Variants in DOCK1 observed in about 807,000 individuals in gnomAD.
DOCK1 encodes dedicator of cytokinesis protein 1.
In DOCK1, 138 loss-of-function variants were observed where a neutral mutation model predicts 262.7. The observed-to-expected ratio is 0.53, with a 90% CI of 0.46 to 0.61. The LOEUF (loss-of-function observed/expected upper bound fraction) is 0.61, where lower values mean the gene tolerates loss of function less well. Among genes scored for constraint, DOCK1 ranks in the 20% least tolerant of loss-of-function variants. DOCK1 has a pLI of 0.00. For synonymous variants in DOCK1, 866 were observed against 867.4 expected (o/e 1.00, Z 0.03); for missense variants, 1,908 against 2,370.7 (o/e 0.80, Z 4.05).
chr10:127,287,350 C>G (rs1020171124), intron 29 of DOCK1, among the ~76,000 whole-genome samples: 1 of 151,946 alleles, frequency 6.6e-6, no homozygotes, highest in African/African-American at 2.4e-5. Context: ...CCACCATGCC[C>G]AGCTAATTTT....
At chr10:127,082,255 A>T (rs574730018) in intron 23 of DOCK1, among the ~76,000 whole-genome samples, 3 of 152,268 alleles carry the variant, frequency 2.0e-5, no homozygotes, top group African/African-American at 7.2e-5. Flanking sequence ...AGCCATACTC[A>T]GTCTGTCCAG....
At chr10:127,125,727 CG>C (rs2049911237) in intron 26 of DOCK1, 126 bp downstream of exon 26, 2 of 1,321,258 alleles carry the variant, frequency 1.5e-6, no homozygotes, top group Non-Finnish European at 9.9e-7. Context: ...CTTTTTGTCT[CG>C]GTAGAGTTGC....
chr10:127,018,482 G>C, intron 12 of DOCK1: 1 of 581,516 alleles, frequency 1.7e-6, no homozygotes, highest in East Asian at 3.1e-5. Context: ...GCGTTCAGCT[G>C]TCTGTGAGTC....
chr10:126,911,069 G>T (rs1389793059), intron 1 of DOCK1, among the ~76,000 whole-genome samples: 1 of 152,216 alleles, frequency 6.6e-6, no homozygotes, highest in Non-Finnish European at 1.5e-5. Context: ...GCCCAGGAGT[G>T]CAGAGGCTGA....
At chr10:127,349,176 C>G (rs2063771839) in intron 31 of DOCK1, among the ~76,000 whole-genome samples, 1 of 151,966 alleles carries the variant, frequency 6.6e-6, no homozygotes, top group Non-Finnish European at 1.5e-5. Flanking sequence ...TCCTTTAGGT[C>G]CATCTCAGCC....
rs143443722 is a variant in DOCK1 at position 127,194,679 on chromosome 10, A to G, written c.2848-53329A>G. On this transcript the variant is annotated intron_variant, in intron 27 of 51. Coordinates refer to ENST00000623213, the MANE Select transcript of DOCK1 (RefSeq NM_001290223.2). ...TCACTCTGACAGTCCCCCCACTGAG[A>G]TAAGGCATGGAAAGGTAACCCTCTA... 3.2e-4 allele frequency among the ~76,000 whole-genome samples: 49 copies of G among 152,246 alleles called. 1 individual carries two copies. Among genetic ancestry groups the G allele is most frequent in the African/African-American group, 1.0e-3 (42 of 41,558 alleles).
chr10:126,991,890 T>C (rs2039816092), intron 6 of DOCK1, among the ~76,000 whole-genome samples: 2 of 152,196 alleles, frequency 1.3e-5, no homozygotes, highest in South Asian at 2.1e-4. Flanking sequence ...GGAAAACTTC[T>C]GGTTTAATTC....
intron 6 of DOCK1, among the ~76,000 whole-genome samples, chr10:126,993,148 C>T (rs1485413535): frequency 6.6e-6 from 1 of 152,238 alleles, no homozygotes; most frequent in Non-Finnish European, 1.5e-5. Context: ...TGACGGTCTG[C>T]CCTGGCAGGT....
chr10:127,024,326 G>GGGGA (rs1024482700), intron 14 of DOCK1, among the ~76,000 whole-genome samples: 3 of 152,202 alleles, frequency 2.0e-5, no homozygotes, highest in Non-Finnish European at 2.9e-5. Flanking sequence ...AGGAAGGGGA[G>GGGGA]GGGAGGGTTC....
intron 25 of DOCK1, among the ~76,000 whole-genome samples, chr10:127,110,984 G>A (rs2048830452): frequency 6.6e-6 from 1 of 152,138 alleles, no homozygotes; most frequent in African/African-American, 2.4e-5. Flanking sequence ...ATTTATTGGA[G>A]GCAAATGTGA....
intron 27 of DOCK1, 134 bp downstream of exon 27, chr10:127,127,898 C>G (rs186308204): frequency 1.6e-4 from 94 of 605,688 alleles, no homozygotes; most frequent in Non-Finnish European, 2.2e-4. Flanking sequence ...ATAAAATGTC[C>G]TCATTTTCCA....
chr10:127,256,838 A>G (rs1171508869), intron 28 of DOCK1, among the ~76,000 whole-genome samples: 2 of 152,202 alleles, frequency 1.3e-5, no homozygotes, highest in African/African-American at 2.4e-5. Context: ...GGTTTATTGC[A>G]TGCCAAATCT....
At chr10:127,416,569 A>C (rs2134446624) in intron 44 of DOCK1, among the ~76,000 whole-genome samples, 1 of 152,334 alleles carries the variant, frequency 6.6e-6, no homozygotes, top group African/African-American at 2.4e-5. Context: ...GAGGGCAGGA[A>C]GGCAAATAAT....
chr10:127,415,416 A>C (rs2068098601), intron 44 of DOCK1, among the ~76,000 whole-genome samples, 178 bp downstream of exon 44: 1 of 152,200 alleles, frequency 6.6e-6, no homozygotes, highest in Non-Finnish European at 1.5e-5. Context: ...TCGCCTAGCC[A>C]TATTTTAGTG....
intron 33 of DOCK1, among the ~76,000 whole-genome samples, chr10:127,368,738 C>A (rs905910235): frequency 2.0e-5 from 3 of 152,230 alleles, no homozygotes; most frequent in Non-Finnish European, 2.9e-5. Context: ...CACCAAGAAC[C>A]CTGCCCTCCC....
intron 40 of DOCK1, 37 bp downstream of exon 40, chr10:127,404,466 T>G (rs757642225): frequency 1.3e-6 from 2 of 1,581,950 alleles, no homozygotes; most frequent in Non-Finnish European, 1.7e-6. Context: ...GCCATGATTG[T>G]TCCCCCAGCA....
chr10:127,061,528 C>A, intron 22 of DOCK1, 140 bp from the exon 23 acceptor site: 1 of 732,038 alleles, frequency 1.4e-6, no homozygotes, highest in Non-Finnish European at 2.3e-6. Flanking sequence ...AAGTTACCTT[C>A]CTTGCTTCAT....
chr10:127,196,893 G>A (rs1382795877), intron 27 of DOCK1, among the ~76,000 whole-genome samples: 4 of 152,078 alleles, frequency 2.6e-5, no homozygotes, highest in Non-Finnish European at 4.4e-5. Flanking sequence ...GCTGGCGGGC[G>A]GGGGACTCCG....
In DOCK1 at chr10:127,310,768, T is replaced by TA. The variant is rs771726261; in HGVS notation, c.3045-28235dup. Among the ~76,000 whole-genome samples the TA allele has an allele frequency of 8.5e-5, 13 of 152,050 alleles. No individual in the cohort carries two copies. The South Asian group carries it at 2.3e-3, about 27-fold the overall frequency. The stretch of plus-strand genomic sequence containing the variant: ...CCAGTTGTCGTGAAATAGAAGGAAA[T>TA]AAACTCCAGTGGGCTGCTAGAACAC... On this transcript the variant is annotated intron_variant, in intron 29 of 51. Coordinates refer to ENST00000623213, the MANE Select transcript of DOCK1 (RefSeq NM_001290223.2).
Sources: gnomAD v4.1 joint callset for allele counts (sites outside exome capture counted in the v4.1 genomes callset) on GRCh38, gnomAD v4.1.1 for gene constraint, MANE v1.5 for transcripts, NCBI Gene and HGNC (gene_info 2026-07-23, HGNC 2026-07-21) for gene names.